Variants in FSTL5 observed in about 807,000 individuals in gnomAD.
FSTL5 encodes the protein follistatin-related protein 5.
A neutral mutation model predicts 89.1 loss-of-function variants in FSTL5; 62 were observed. That is an observed-to-expected ratio of 0.70 (90% confidence interval 0.57 to 0.86). FSTL5 has a LOEUF of 0.86. Among genes scored for constraint, FSTL5 ranks in the 40% least tolerant of loss-of-function variants. The pLI is 0.00. For synonymous variants in FSTL5, 383 were observed against 346.2 expected (o/e 1.11, Z -1.18); for missense variants, 1,057 against 1,001.6 (o/e 1.06, Z -0.75).
chr4:161,542,412 T>C, intron 9 of FSTL5, 120 bp downstream of exon 9: 1 of 520,396 alleles, frequency 1.9e-6, no homozygotes, highest in Non-Finnish European at 3.1e-6. Flanking sequence ...TTTTTTCATA[T>C]TTGTGACATT....
At chr4:161,797,320 T>C (rs561029239) in intron 4 of FSTL5, among the ~76,000 whole-genome samples, 1 of 151,744 alleles carries the variant, frequency 6.6e-6, no homozygotes, top group East Asian at 1.9e-4. Context: ...ATATTGAAGA[T>C]TCATATTAAG....
At chr4:162,065,365 C>T (rs1738859798) in intron 2 of FSTL5, among the ~76,000 whole-genome samples, 1 of 151,562 alleles carries the variant, frequency 6.6e-6, no homozygotes, top group Admixed American at 6.6e-5. Context: ...AAAAAAGAAC[C>T]CCCAAAACCT....
At chr4:161,412,585 C>T (rs1041193102) in intron 15 of FSTL5, among the ~76,000 whole-genome samples, 10 of 152,058 alleles carry the variant, frequency 6.6e-5, no homozygotes, top group African/African-American at 2.4e-4. Flanking sequence ...ACCAACATGG[C>T]ACATGCATAT....
intron 4 of FSTL5, among the ~76,000 whole-genome samples, chr4:161,840,361 T>C (rs185699960): frequency 3.0e-4 from 45 of 152,340 alleles, no homozygotes; most frequent in African/African-American, 1.0e-3. Flanking sequence ...GAGAAAAATT[T>C]AGAAGAAATT....
At chr4:161,837,292 A>T (rs1579129821) in intron 4 of FSTL5, among the ~76,000 whole-genome samples, 1 of 152,252 alleles carries the variant, frequency 6.6e-6, no homozygotes, top group East Asian at 1.9e-4. Context: ...GACTAACAAG[A>T]AATAGGAGTC....
chr4:162,129,562 G>T (rs1016550652), intron 1 of FSTL5, among the ~76,000 whole-genome samples: 1 of 152,196 alleles, frequency 6.6e-6, no homozygotes. Flanking sequence ...ATCTGTCCCA[G>T]AGAAGGGACT....
At chr4:161,701,427 A>C (rs961476023) in intron 6 of FSTL5, among the ~76,000 whole-genome samples, 1 of 152,252 alleles carries the variant, frequency 6.6e-6, no homozygotes, top group African/African-American at 2.4e-5. Context: ...TATAGGTTAA[A>C]ACATCTTCCC....
At chr4:161,476,182 T>TTTTTG (rs1734135925) in intron 13 of FSTL5, among the ~76,000 whole-genome samples, 1 of 103,754 alleles carries the variant, frequency 9.6e-6, no homozygotes, top group Non-Finnish European at 1.9e-5. Context: ...GGTTTTTTTT[T>TTTTTG]TTTTTTGTTT....
chr4:161,883,511 C>A (rs998514333), intron 4 of FSTL5, among the ~76,000 whole-genome samples: 1 of 152,100 alleles, frequency 6.6e-6, no homozygotes, highest in African/African-American at 2.4e-5. Flanking sequence ...ATAATGAAAT[C>A]TCCCTTGATA....
chr4:161,512,549 G>A (rs990491820), intron 10 of FSTL5, among the ~76,000 whole-genome samples: 2 of 151,970 alleles, frequency 1.3e-5, no homozygotes, highest in Non-Finnish European at 2.9e-5. Context: ...TGAAGGGTAT[G>A]ATTCAATTTC....
At chr4:161,683,751 A>G (rs747615153) in intron 6 of FSTL5, among the ~76,000 whole-genome samples, 1 of 152,110 alleles carries the variant, frequency 6.6e-6, no homozygotes, top group Non-Finnish European at 1.5e-5. Flanking sequence ...AAAATTAATT[A>G]TATTTATTTC....
chr4:161,553,549 A>T (rs971839665), intron 8 of FSTL5, among the ~76,000 whole-genome samples: 1 of 151,372 alleles, frequency 6.6e-6, no homozygotes, highest in African/African-American at 2.4e-5. Context: ...TTTCTATATT[A>T]CACATCCAAT....
intron 13 of FSTL5, 52 bp downstream of exon 13, chr4:161,480,968 A>G (rs541125698): frequency 8.0e-7 from 1 of 1,244,836 alleles, no homozygotes. Flanking sequence ...TACTACAATG[A>G]TATAAATATT....
intron 6 of FSTL5, among the ~76,000 whole-genome samples, chr4:161,694,533 T>C (rs1738069361): frequency 6.6e-6 from 1 of 152,080 alleles, no homozygotes; most frequent in Admixed American, 6.6e-5. Context: ...TATATATCCA[T>C]AGTTTTCTTA....
At chr4:161,629,119 T>C (rs976569099) in intron 7 of FSTL5, among the ~76,000 whole-genome samples, 13 of 152,282 alleles carry the variant, frequency 8.5e-5, no homozygotes, top group African/African-American at 2.9e-4. Flanking sequence ...GTGATTTTCA[T>C]GGTACACACA....
intron 15 of FSTL5, among the ~76,000 whole-genome samples, chr4:161,449,549 A>G (rs1733080472): frequency 6.6e-6 from 1 of 152,248 alleles, no homozygotes; most frequent in Non-Finnish European, 1.5e-5. Context: ...TGGAGTGGCT[A>G]TATAAATCAT....
chr4:161,675,159 A>G (rs1737259467), intron 6 of FSTL5, among the ~76,000 whole-genome samples: 1 of 152,174 alleles, frequency 6.6e-6, no homozygotes, highest in Admixed American at 6.5e-5. Context: ...AAAAAACGTA[A>G]CAATTGATCA....
intron 3 of FSTL5, among the ~76,000 whole-genome samples, chr4:161,960,556 A>G (rs1195092393): frequency 6.6e-6 from 1 of 152,068 alleles, no homozygotes; most frequent in Non-Finnish European, 1.5e-5. Flanking sequence ...AGATGTGTCT[A>G]GTTGATATGC....
At chr4:161,670,088 G>T (rs1386048977) in intron 6 of FSTL5, among the ~76,000 whole-genome samples, 1 of 152,102 alleles carries the variant, frequency 6.6e-6, no homozygotes, top group Non-Finnish European at 1.5e-5. Context: ...TTGAATGCAT[G>T]AAATGCAGAA....
Sources: gnomAD v4.1 joint callset for allele counts (sites outside exome capture counted in the v4.1 genomes callset) on GRCh38, gnomAD v4.1.1 for gene constraint, MANE v1.5 for transcripts, NCBI Gene and HGNC (gene_info 2026-07-23, HGNC 2026-07-21) for gene names.